Variants in HPGDS observed in about 807,000 individuals in gnomAD.
HPGDS encodes the protein GST class-sigma.
HPGDS carries 26 observed loss-of-function variants against 23.1 expected under a neutral mutation model. That is an observed-to-expected ratio of 1.13 (90% CI 0.83 to 1.56). The LOEUF is 1.56. HPGDS is among the 40% of genes most tolerant of loss of function. The probability of loss-of-function intolerance (pLI) is 0.00; values close to 1 mark genes in which losing one functional copy is unlikely to be tolerated. For synonymous variants in HPGDS, 95 were observed against 77.9 expected, an observed-to-expected ratio of 1.22 and a Z score of -1.16; for missense variants, 268 against 236.4, an observed-to-expected ratio of 1.13 and a Z score of -0.88.
intron 3 of HPGDS, among the ~76,000 whole-genome samples, chr4:94,316,649 T>C (rs934535570): frequency 1.8e-4 from 28 of 152,232 alleles, no homozygotes; most frequent in East Asian, 5.8e-4. Flanking sequence ...ACCTGCAAAT[T>C]TGAAGTTCAT....
intron 2 of HPGDS, among the ~76,000 whole-genome samples, chr4:94,327,474 C>G (rs79894812): frequency 0.025 from 3,772 of 152,138 alleles, 105 homozygotes; most frequent in African/African-American, 0.075. Flanking sequence ...TGGGCTGGTC[C>G]TCAGGCATGC....
intron 1 of HPGDS, among the ~76,000 whole-genome samples, chr4:94,340,311 C>CTTTCTTTTTCTTTTTTTTTT: frequency 8.4e-5 from 2 of 23,686 alleles, no homozygotes; most frequent in Admixed American, 6.1e-4. Context: ...CTTTCTTTCT[C>CTTTCTTTTTCTTTTTTTTTT]TTTTTTTTTT....
intron 3 of HPGDS, among the ~76,000 whole-genome samples, chr4:94,315,694 A>G (rs1205941046): frequency 6.6e-6 from 1 of 152,234 alleles, no homozygotes; most frequent in South Asian, 2.1e-4. Flanking sequence ...ATACCTCAAT[A>G]AAGGTGTTAA....
At chr4:94,322,721 G>A (rs1328234521) in intron 2 of HPGDS, among the ~76,000 whole-genome samples, 3 of 151,894 alleles carry the variant, frequency 2.0e-5, no homozygotes, top group African/African-American at 7.3e-5. Context: ...AAGCTCCTGG[G>A]TTCGCTGATT....
intron 1 of HPGDS, among the ~76,000 whole-genome samples, chr4:94,340,851 T>C (rs1721155301): frequency 7.6e-6 from 1 of 131,122 alleles, no homozygotes; most frequent in Non-Finnish European, 1.6e-5. Flanking sequence ...TTTTCTTTCT[T>C]TTTTTTTTTT....
At chr4:94,310,862 A>G (rs1756253469) in intron 3 of HPGDS, among the ~76,000 whole-genome samples, 1 of 152,260 alleles carries the variant, frequency 6.6e-6, no homozygotes, top group South Asian at 2.1e-4. Flanking sequence ...ATCCCTTGTA[A>G]GTTGGATTCC....
At position 94,341,668 on chromosome 4, in the gene HPGDS, T is replaced by C. The variant is rs868378257; in HGVS notation, c.-10+1127A>G. ...ACACAGTTTTTTACATGCTTAGTAA[T>C]TGCGCAATAATCTGAGTTAGAGATA... On this transcript the variant is annotated intron_variant, in intron 1 of 5. Coordinates refer to ENST00000295256, the MANE Select transcript of HPGDS (RefSeq NM_014485.3). Among the ~76,000 whole-genome samples the C allele has an allele frequency of 2.0e-5, 3 of 152,320 alleles. No individual in the cohort carries two copies. The South Asian group carries it at 6.2e-4, about 32-fold the overall frequency.
chr4:94,326,485 C>G (rs1196543664), intron 2 of HPGDS, among the ~76,000 whole-genome samples: 1 of 152,058 alleles, frequency 6.6e-6, no homozygotes, highest in East Asian at 1.9e-4. Context: ...TTCGCTTGAC[C>G]TAGTCTATTG....
chr4:94,312,587 G>T, intron 3 of HPGDS, among the ~76,000 whole-genome samples: 1 of 152,158 alleles, frequency 6.6e-6, no homozygotes, highest in Non-Finnish European at 1.5e-5. Context: ...AGTAAGTGTG[G>T]TGTGGTGCTG....
rs1755985897 is a variant in HPGDS at position 94,299,401 on chromosome 4, CT to C, written c.*78del. On this transcript the variant is annotated 3_prime_UTR_variant, in exon 6 of 6. Coordinates refer to ENST00000295256, the MANE Select transcript of HPGDS (RefSeq NM_014485.3). ...GCTGGGGAGGGAGCATGTGGATTATCTGGCAGGCTGATGTAGCTGTCTTATC... is the reference window on the plus strand; with the variant it reads ...GCTGGGGAGGGAGCATGTGGATTATCGGCAGGCTGATGTAGCTGTCTTATC... 2 of 1,264,512 alleles carry C rather than the reference CT, an allele frequency of 1.6e-6. No homozygotes were observed. The highest frequency in any genetic ancestry group is 3.7e-5 in the South Asian group (2 of 53,370). The allele number at this position is 1,264,512 out of a possible 1,614,324, so 78.3% of individuals were successfully genotyped here.
At chr4:94,315,228 C>A (rs367696954) in intron 3 of HPGDS, among the ~76,000 whole-genome samples, 121 of 152,286 alleles carry the variant, frequency 7.9e-4, no homozygotes, top group African/African-American at 2.8e-3. Context: ...TCTTCTGCAT[C>A]GCTCACGCTT....
intron 2 of HPGDS, among the ~76,000 whole-genome samples, chr4:94,323,456 T>C (rs1756559384): frequency 6.6e-6 from 1 of 152,234 alleles, no homozygotes; most frequent in African/African-American, 2.4e-5. Context: ...CTCTACCAGG[T>C]GCATATATAT....
rs1423281964 is a variant in HPGDS at position 94,340,849 on chromosome 4, CT to C, written c.-10+1945del. Among the ~76,000 whole-genome samples the C allele has an allele frequency of 7.0e-4, 79 of 113,590 alleles. 3 individuals carry two copies. The South Asian group carries it at 0.02, about 28-fold the overall frequency. 74.5% of individuals were successfully genotyped at this position (113,590 alleles called of 152,430 possible). ...AATTTTTTTCTTTTTTTTTTTCTTT[CT>C]TTTTTTTTTTTTGAGACGGAGTCTT... On this transcript the variant is annotated intron_variant, in intron 1 of 5. Coordinates refer to ENST00000295256, the MANE Select transcript of HPGDS (RefSeq NM_014485.3).
chr4:94,316,510 G>A (rs889115324), intron 3 of HPGDS, among the ~76,000 whole-genome samples: 41 of 122,682 alleles, frequency 3.3e-4, no homozygotes, highest in Non-Finnish European at 5.6e-4. Context: ...AATGCATAGC[G>A]GTAGTTATGC....
chr4:94,340,312 T>TTTCTTTCTTTTTC (rs1721129420), intron 1 of HPGDS, among the ~76,000 whole-genome samples: 1 of 6,684 alleles, frequency 1.5e-4, no homozygotes, highest in Non-Finnish European at 3.2e-4. Flanking sequence ...TTTCTTTCTC[T>TTTCTTTCTTTTTC]TTTTTTTTTT....
At chr4:94,315,241 A>T (rs1222804829) in intron 3 of HPGDS, among the ~76,000 whole-genome samples, 1 of 152,156 alleles carries the variant, frequency 6.6e-6, no homozygotes, top group East Asian at 1.9e-4. Flanking sequence ...TCACGCTTCG[A>T]GCTGTAGACT....
At position 94,302,130 on chromosome 4, in the gene HPGDS, T is replaced by C; in HGVS notation, c.435+16A>G. 6.5e-7 allele frequency: 1 copy of C among 1,548,784 alleles called. No individual in the cohort carries two copies. The highest frequency in any genetic ancestry group is 8.9e-7 in the Non-Finnish European group (1 of 1,122,558). ...TTTTATTTGCTTGAATTTTTTAAGA[T>C]ATAAAACATACTCACAGAGTTACCA... On this transcript the variant is annotated intron_variant, in intron 5 of 5. Coordinates refer to ENST00000295256, the MANE Select transcript of HPGDS (RefSeq NM_014485.3).
chr4:94,318,296 C>A (rs56407535), intron 2 of HPGDS, among the ~76,000 whole-genome samples: 1 of 152,084 alleles, frequency 6.6e-6, no homozygotes, highest in South Asian at 2.1e-4. Context: ...GCCTCAATTG[C>A]AGATTATTAA....
intron 2 of HPGDS, among the ~76,000 whole-genome samples, chr4:94,320,791 C>T (rs1164547155): frequency 6.6e-6 from 1 of 152,152 alleles, no homozygotes; most frequent in Non-Finnish European, 1.5e-5. Context: ...TCAATTTTGG[C>T]TTTTGTTGCC....
Sources: gnomAD v4.1 joint callset for allele counts (sites outside exome capture counted in the v4.1 genomes callset) on GRCh38, gnomAD v4.1.1 for gene constraint, MANE v1.5 for transcripts, NCBI Gene and HGNC (gene_info 2026-07-23, HGNC 2026-07-21) for gene names.